Variants in SPINDOC observed in about 807,000 individuals in gnomAD.
SPINDOC encodes the protein spindlin interactor and repressor of chromatin-binding protein.
SPINDOC carries 13 observed loss-of-function variants against 30.7 expected under a neutral mutation model. That is an observed-to-expected ratio of 0.42 (90% CI 0.28 to 0.67). SPINDOC has a LOEUF of 0.67. Among genes scored for constraint, SPINDOC ranks in the 30% least tolerant of loss-of-function variants. SPINDOC has a pLI of 0.22. For missense variants in SPINDOC, 438 were observed against 518.0 expected (o/e 0.85, Z 1.50); for synonymous variants, 228 against 211.4 (o/e 1.08, Z -0.68).
rs1276212552 is a variant in SPINDOC at position 63,820,079 on chromosome 11, T to TAACACAAGCAC, written c.934+1077_934+1078insAACACAAGCAC. ...ATAACAGCAGTAAGTGCTTGTGTTG[T>TAACACAAGCAC]TTGGGCTCCTACTGAGTTTAAGAAG... On this transcript the variant is annotated intron_variant, in intron 5 of 5. Transcript: ENST00000294244. 2.7e-3 allele frequency among the ~76,000 whole-genome samples: 413 copies of TAACACAAGCAC among 152,224 alleles called. 5 individuals carry two copies. The highest frequency in any genetic ancestry group is 9.7e-3 in the African/African-American group (403 of 41,534).
At chr11:63,822,245 A>G (rs1304227373) in intron 5 of SPINDOC, among the ~76,000 whole-genome samples, 1 of 151,780 alleles carries the variant, frequency 6.6e-6, no homozygotes. Context: ...ACTAGAGGCT[A>G]AGGCAAGAGG....
In SPINDOC at chr11:63,818,941, C is replaced by T; in HGVS notation, c.873C>T (p.Asp291=). 6.2e-7 allele frequency: 1 copy of T among 1,614,204 alleles called. No homozygotes were observed. Among genetic ancestry groups the T allele is most frequent in the Non-Finnish European group, 8.5e-7 (1 of 1,180,048 alleles). Residue 291 remains aspartate, a synonymous_variant, in exon 5 of 6, where the codon GAC becomes GAT. Transcript: ENST00000294244. This position sits in a 1 kb window ranked among gnomAD's most constrained non-coding sequence, Gnocchi z 5.3. ...AGCTCAGGGGCCCAGACAGCAAGGACTCACCCAAAGACAGGGAAGTGGCAG... is the reference window on the plus strand; with the variant it reads ...AGCTCAGGGGCCCAGACAGCAAGGATTCACCCAAAGACAGGGAAGTGGCAG... ...HTQLRGPDSK[D]SPKDREVAEG...
intron 1 of SPINDOC, among the ~76,000 whole-genome samples, chr11:63,817,099 T>C (rs1230643165): frequency 1.3e-5 from 2 of 152,130 alleles, no homozygotes; most frequent in Non-Finnish European, 2.9e-5. Context: ...GAGGGTCCCT[T>C]GAGTCCAGGA....
At chr11:63,822,872 C>T (rs1476871774) in intron 5 of SPINDOC, 1 of 1,289,150 alleles carries the variant, frequency 7.8e-7, no homozygotes, top group Admixed American at 2.3e-5. Flanking sequence ...AAGAGAATCC[C>T]TGAGATTCTA....
intron 5 of SPINDOC, among the ~76,000 whole-genome samples, chr11:63,821,938 A>G (rs534639358): frequency 3.3e-5 from 5 of 152,214 alleles, no homozygotes; most frequent in Admixed American, 2.0e-4. Context: ...TTGTAGAGAC[A>G]GGTTTTCACT....
intron 5 of SPINDOC, among the ~76,000 whole-genome samples, chr11:63,820,989 C>G (rs1314095980): frequency 6.6e-6 from 1 of 151,470 alleles, no homozygotes; most frequent in African/African-American, 2.4e-5. Flanking sequence ...GAGTTCAAGG[C>G]TGCAATGAGC....
chr11:63,818,790 C>T lies in SPINDOC; in HGVS notation c.734-12C>T. On this transcript the variant is annotated splice_polypyrimidine_tract_variant and intron_variant, in intron 4 of 5. Transcript: ENST00000294244. The surrounding 1 kb of genome is among the most constrained non-coding windows in gnomAD (Gnocchi z 5.3). ...TTTTTCACTCACAGTTCCATCCCGTCCTCCCTTCCAGAGCCCCCATCGCCA... is the reference window on the plus strand; with the variant it reads ...TTTTTCACTCACAGTTCCATCCCGTTCTCCCTTCCAGAGCCCCCATCGCCA... 6.2e-7 allele frequency: 1 copy of T among 1,613,584 alleles called. No individual in the cohort carries two copies. The highest frequency in any genetic ancestry group is 1.1e-5 in the South Asian group (1 of 91,082).
chr11:63,813,514 G>A lies in SPINDOC; in HGVS notation c.-173G>A, dbSNP rs1452364736. On this transcript the variant is annotated 5_prime_UTR_variant, in exon 1 of 6. Coordinates refer to ENST00000294244, the MANE Select transcript of SPINDOC (RefSeq NM_138471.3). Reference sequence around the variant, plus strand: ...GCCGAGGTCTCGGGGAGGCCCGGACGCGCCGGTCGCAGGCCCGGCCGGCGA... The same window carrying A: ...GCCGAGGTCTCGGGGAGGCCCGGACACGCCGGTCGCAGGCCCGGCCGGCGA... 10 of 357,834 alleles carry A rather than the reference G, an allele frequency of 2.8e-5. No homozygotes were observed. In the Admixed American group the frequency reaches 5.3e-4, roughly 19 times the overall value. The allele number at this position is 357,834 out of a possible 1,614,324, so 22.2% of individuals were successfully genotyped here.
chr11:63,824,148 G>T (rs1281872550), intron 5 of SPINDOC, among the ~76,000 whole-genome samples: 1 of 151,782 alleles, frequency 6.6e-6, no homozygotes, highest in East Asian at 1.9e-4. Context: ...GACCTCGGGT[G>T]ATCCGCCCAC....
chr11:63,822,868 A>AT (rs1272835204), intron 5 of SPINDOC: 2 of 1,288,968 alleles, frequency 1.6e-6, no homozygotes, highest in African/African-American at 3.0e-5. Context: ...TGAGAAGAGA[A>AT]TCCCTGAGAT....
chr11:63,823,628 C>T (rs2015585100), intron 5 of SPINDOC, among the ~76,000 whole-genome samples: 2 of 152,136 alleles, frequency 1.3e-5, no homozygotes, highest in South Asian at 4.1e-4. Flanking sequence ...TGGAGTCTCG[C>T]TCTGTCGCCC....
In SPINDOC at chr11:63,827,179, C is replaced by T. The variant is rs756020607; in HGVS notation, c.*40C>T. ...GGGGAGGGAGGGAGGGATGAGGCAGCGTCCCCCAGTGGCTTATAACTCAGA... is the reference window on the plus strand; with the variant it reads ...GGGGAGGGAGGGAGGGATGAGGCAGTGTCCCCCAGTGGCTTATAACTCAGA... On this transcript the variant is annotated 3_prime_UTR_variant, in exon 6 of 6. Transcript: ENST00000294244. 5.0e-6 allele frequency: 8 copies of T among 1,602,134 alleles called. No homozygotes were observed. The highest frequency in any genetic ancestry group is 1.1e-5 in the South Asian group (1 of 89,354).
At chr11:63,816,211 C>G (rs2015335878) in intron 1 of SPINDOC, among the ~76,000 whole-genome samples, 1 of 151,858 alleles carries the variant, frequency 6.6e-6, no homozygotes, top group African/African-American at 2.4e-5. Context: ...CAGCAACAAG[C>G]CAGAGGAAGG....
At chr11:63,817,214 C>T (rs182837903) in intron 1 of SPINDOC, among the ~76,000 whole-genome samples, 51 of 151,580 alleles carry the variant, frequency 3.4e-4, no homozygotes, top group African/African-American at 9.7e-4. Flanking sequence ...GGCATGGTGG[C>T]GCTCACCTGT....
chr11:63,821,989 T>G (rs1325579535), intron 5 of SPINDOC, among the ~76,000 whole-genome samples: 1 of 152,044 alleles, frequency 6.6e-6, no homozygotes, highest in African/African-American at 2.4e-5. Flanking sequence ...GTGCAAGCAG[T>G]CCTCCCACCT....
chr11:63,826,681 CT>C (rs2015661976), intron 5 of SPINDOC, among the ~76,000 whole-genome samples: 1 of 152,190 alleles, frequency 6.6e-6, no homozygotes, highest in South Asian at 2.1e-4. Flanking sequence ...AGGAGGAAGG[CT>C]GCCTGGCTTC....
rs1293166459 is a variant in SPINDOC, at chr11:63,822,956, C to T, written c.934+3954C>T. 29 of 1,180,440 alleles carry T rather than the reference C, an allele frequency of 2.5e-5. No individual in the cohort carries two copies. In the Admixed American group the frequency reaches 2.6e-4, roughly 11 times the overall value. 73.1% of individuals were successfully genotyped at this position (1,180,440 alleles called of 1,614,324 possible). On this transcript the variant is annotated intron_variant, in intron 5 of 5. Coordinates refer to ENST00000294244, the MANE Select transcript of SPINDOC (RefSeq NM_138471.3). ...AGGCTGCTTGAGTGATCTGAGGGGG[C>T]GGAGGCAATTGTAGGGTGTTGTCAG...
intron 1 of SPINDOC, among the ~76,000 whole-genome samples, chr11:63,817,034 G>A (rs1386419117): frequency 6.6e-6 from 1 of 152,010 alleles, no homozygotes; most frequent in East Asian, 1.9e-4. Flanking sequence ...TTAATTAGCT[G>A]GGTGTGATAG....
chr11:63,826,188 G>C (rs1215061646), intron 5 of SPINDOC, among the ~76,000 whole-genome samples: 1 of 152,126 alleles, frequency 6.6e-6, no homozygotes, highest in Non-Finnish European at 1.5e-5. Flanking sequence ...TGCTCACCCT[G>C]GCCTCCCAAA....
Sources: gnomAD v4.1 joint callset for allele counts (sites outside exome capture counted in the v4.1 genomes callset) on GRCh38, gnomAD v4.1.1 for gene constraint, Gnocchi (gnomAD v3.1) non-coding constraint, MANE v1.5 for transcripts, NCBI Gene and HGNC (gene_info 2026-07-23, HGNC 2026-07-21) for gene names.